Variants in PAPPA observed in about 807,000 individuals in gnomAD.
PAPPA encodes pappalysin 1.
PAPPA carries 60 observed loss-of-function variants against 164.0 expected under a neutral mutation model. The ratio of observed to expected loss-of-function variants is 0.37; its 90% CI spans 0.30 to 0.45. The LOEUF (loss-of-function observed/expected upper bound fraction) is 0.45. Among genes scored for constraint, PAPPA ranks in the 20% least tolerant of loss-of-function variants. The pLI, the probability that PAPPA is intolerant of heterozygous loss-of-function variation, is 1.00. For missense variants in PAPPA, 1,782 were observed against 2,087.3 expected, an observed-to-expected ratio of 0.85 and a Z score of 2.85; for synonymous variants, 875 against 814.1, an observed-to-expected ratio of 1.07 and a Z score of -1.27.
chr9:116,221,749 A>G (rs180873796), intron 5 of PAPPA, among the ~76,000 whole-genome samples: 18 of 152,368 alleles, frequency 1.2e-4, no homozygotes, highest in Admixed American at 1.2e-3. Context: ...AAAAGAAGCA[A>G]GAAATTCTCA....
At chr9:116,380,667 CAG>C (rs1846719193) in intron 20 of PAPPA, among the ~76,000 whole-genome samples, 2 of 152,352 alleles carry the variant, frequency 1.3e-5, no homozygotes, top group Admixed American at 6.5e-5. Flanking sequence ...GGTCACACAG[CAG>C]AGTCACACCT....
chr9:116,355,484 T>C, intron 17 of PAPPA, among the ~76,000 whole-genome samples: 1 of 152,172 alleles, frequency 6.6e-6, no homozygotes, highest in East Asian at 1.9e-4. Context: ...CGGCGTCTGT[T>C]TGCATTCATG....
intron 5 of PAPPA, among the ~76,000 whole-genome samples, chr9:116,223,351 G>T (rs1288642917): frequency 6.6e-6 from 1 of 152,120 alleles, no homozygotes; most frequent in Non-Finnish European, 1.5e-5. Context: ...TCCTGTGTAT[G>T]TATTTAATTT....
chr9:116,266,009 GAA>G, intron 8 of PAPPA, 24 bp downstream of exon 8: 1 of 1,585,066 alleles, frequency 6.3e-7, no homozygotes, highest in Non-Finnish European at 8.6e-7. Context: ...ATTAAAGAAA[GAA>G]GAGGAGGGAT....
chr9:116,171,917 G>A (rs1843780195), intron 1 of PAPPA, among the ~76,000 whole-genome samples: 1 of 152,116 alleles, frequency 6.6e-6, no homozygotes, highest in Non-Finnish European at 1.5e-5. Flanking sequence ...TTATTAATTG[G>A]GTGGATATAA....
rs150147814 is a variant in PAPPA, at chr9:116,215,307, G to T, written c.1918+3375G>T. On this transcript the variant is annotated intron_variant, in intron 4 of 21. Coordinates refer to ENST00000328252, the MANE Select transcript of PAPPA (RefSeq NM_002581.5). ...GGATGCTTGCCTTGCCTGATTGTAG[G>T]TGTAATGGTACAAGTGAAGCACTTA... Among the ~76,000 whole-genome samples, 547 of 152,192 alleles carry T rather than the reference G, an allele frequency of 3.6e-3. 7 individuals carry two copies. The highest frequency in any genetic ancestry group is 0.012 in the African/African-American group (517 of 41,512).
At chr9:116,295,780 C>G (rs1433691940) in intron 9 of PAPPA, among the ~76,000 whole-genome samples, 2 of 152,100 alleles carry the variant, frequency 1.3e-5, no homozygotes, top group African/African-American at 4.8e-5. Flanking sequence ...CTATTTATAC[C>G]CTCTAAGATG....
intron 17 of PAPPA, among the ~76,000 whole-genome samples, chr9:116,361,793 CA>C (rs1224168245): frequency 6.6e-6 from 1 of 152,194 alleles, no homozygotes; most frequent in Non-Finnish European, 1.5e-5. Context: ...TTCTGCACCC[CA>C]CAGAGCTGGG....
At chr9:116,182,792 G>A (rs1159977351) in intron 1 of PAPPA, among the ~76,000 whole-genome samples, 2 of 152,172 alleles carry the variant, frequency 1.3e-5, no homozygotes, top group African/African-American at 2.4e-5. Flanking sequence ...CAGGAAGATA[G>A]GGTGCATTAG....
At chr9:116,248,583 C>G (rs1844824562) in intron 7 of PAPPA, among the ~76,000 whole-genome samples, 1 of 152,152 alleles carries the variant, frequency 6.6e-6, no homozygotes, top group South Asian at 2.1e-4. Context: ...CCACCTAGAC[C>G]CAGCCTCTCT....
intron 12 of PAPPA, 80 bp downstream of exon 12, chr9:116,332,548 T>TCATTC: frequency 7.8e-7 from 1 of 1,282,258 alleles, no homozygotes; most frequent in Non-Finnish European, 1.1e-6. Context: ...GAGGATCAGC[T>TCATTC]TAGAATGAGC....
chr9:116,285,146 CTT>C (rs1845317685), intron 9 of PAPPA, among the ~76,000 whole-genome samples: 2 of 128,178 alleles, frequency 1.6e-5, no homozygotes, highest in African/African-American at 5.6e-5. Flanking sequence ...TTTTTTCTTT[CTT>C]TTTCTTTTTC....
chr9:116,400,349 A>G lies in PAPPA; in HGVS notation c.*3733A>G, dbSNP rs888999990. 2 of 152,152 alleles carry G rather than the reference A, an allele frequency of 1.3e-5. No homozygotes were observed. The highest frequency in any genetic ancestry group is 2.9e-5 in the Non-Finnish European group (2 of 68,040). 9.4% of individuals were successfully genotyped at this position (152,152 alleles called of 1,614,324 possible). A position where few individuals can be genotyped will look rare whatever the true frequency, so the allele number is the denominator to read the frequency against. The stretch of plus-strand genomic sequence containing the variant: ...TAACACTGTCTGTTATTTTCTGTAC[A>G]TTGTGGTAGGTCCAGGAAATATGAC... On this transcript the variant is annotated 3_prime_UTR_variant, in exon 22 of 22. Coordinates refer to ENST00000328252, the MANE Select transcript of PAPPA (RefSeq NM_002581.5).
intron 17 of PAPPA, among the ~76,000 whole-genome samples, chr9:116,356,102 G>A (rs1457224384): frequency 6.6e-6 from 1 of 152,114 alleles, no homozygotes; most frequent in African/African-American, 2.4e-5. Context: ...TTGTAGGGGA[G>A]AGTCACACAC....
chr9:116,292,618 A>G (rs1017566756), intron 9 of PAPPA, among the ~76,000 whole-genome samples: 4 of 152,086 alleles, frequency 2.6e-5, no homozygotes, highest in Non-Finnish European at 5.9e-5. Flanking sequence ...TTTGTTTTAG[A>G]TATGTTTTTT....
intron 15 of PAPPA, among the ~76,000 whole-genome samples, chr9:116,350,894 C>T (rs940282288): frequency 2.6e-5 from 4 of 152,238 alleles, no homozygotes; most frequent in Non-Finnish European, 4.4e-5. Flanking sequence ...ATATAGTTGT[C>T]AGTCTCACAG....
intron 2 of PAPPA, among the ~76,000 whole-genome samples, chr9:116,197,987 C>T (rs1240405849): frequency 6.6e-6 from 1 of 152,174 alleles, no homozygotes; most frequent in African/African-American, 2.4e-5. Flanking sequence ...AACCCTTGTT[C>T]CTAAAACATT....
intron 2 of PAPPA, among the ~76,000 whole-genome samples, chr9:116,191,048 G>C (rs1342678412): frequency 6.7e-6 from 1 of 150,132 alleles, no homozygotes; most frequent in Non-Finnish European, 1.5e-5. Context: ...AAGGGAAGGA[G>C]GGAGGGAGGG....
At position 116,208,516 on chromosome 9, in the gene PAPPA, CA is replaced by C. The variant is rs146649909; in HGVS notation, c.1624+917del. ...AATAGCCACATAATATTCCCTTGAA[CA>C]AGGGCACTGCCATTTATTTAATCAT... On this transcript the variant is annotated intron_variant, in intron 3 of 21. Coordinates refer to ENST00000328252, the MANE Select transcript of PAPPA (RefSeq NM_002581.5). Among the ~76,000 whole-genome samples the C allele has an allele frequency of 6.5e-3, 991 of 152,290 alleles. 32 individuals carry two copies. In the East Asian group the frequency reaches 0.11, roughly 16 times the overall value.
Sources: allele counts gnomAD v4.1 joint callset (sites outside exome capture counted in the v4.1 genomes callset), GRCh38; gene constraint gnomAD v4.1.1; transcripts MANE v1.5; gene names NCBI Gene and HGNC (gene_info 2026-07-23, HGNC 2026-07-21).